The following B4GALT5 variants were observed in gnomAD, a reference collection of about 807,000 sequenced individuals.
The protein encoded by B4GALT5 is UDP-Gal:beta-GlcNAc beta-1,4-galactosyltransferase 5.
In B4GALT5, 11 loss-of-function variants were observed where a neutral mutation model predicts 45.0. The observed-to-expected ratio is 0.24, with a 90% confidence interval of 0.15 to 0.40. The LOEUF (loss-of-function observed/expected upper bound fraction) is 0.40. Among genes scored for constraint, B4GALT5 ranks in the 10% least tolerant of loss-of-function variants. B4GALT5 has a pLI of 1.00. For missense variants in B4GALT5, 337 were observed against 500.2 expected (o/e 0.67, Z 3.11); for synonymous variants, 185 against 182.9 (o/e 1.01, Z -0.09).
chr20:49,633,415 T>C lies in B4GALT5; in HGVS notation c.*2897A>G, dbSNP rs796069031. The C allele has an allele frequency of 8.0e-4, 113 of 140,802 alleles. No individual in the cohort carries two copies. Among genetic ancestry groups the C allele is most frequent in the African/African-American group, 2.9e-3 (111 of 37,646 alleles). The allele number at this position is 140,802 out of a possible 1,614,324, so 8.7% of individuals were successfully genotyped here. ...TTGAAGATTTTCAGCTACCAATATA[T>C]GCACAAGGTCACATTTGGTTCCTGT... On this transcript the variant is annotated 3_prime_UTR_variant, in exon 9 of 9. Coordinates refer to ENST00000371711, the MANE Select transcript of B4GALT5 (RefSeq NM_004776.4).
intron 6 of B4GALT5, 100 bp downstream of exon 6, chr20:49,640,378 G>T: frequency 9.3e-7 from 1 of 1,077,068 alleles, no homozygotes; most frequent in Non-Finnish European, 1.3e-6. Flanking sequence ...CCATCCATCA[G>T]TTGATGGGCA....
intron 1 of B4GALT5, among the ~76,000 whole-genome samples, chr20:49,690,966 G>C (rs1052747561): frequency 1.3e-5 from 2 of 152,154 alleles, no homozygotes; most frequent in Admixed American, 6.5e-5. Context: ...GTGAACTGTA[G>C]TTACCTGGCT....
rs183024859 is a variant in B4GALT5, at chr20:49,689,299, G to A, written c.115+24277C>T. Among the ~76,000 whole-genome samples, 23 of 152,216 alleles carry A rather than the reference G, an allele frequency of 1.5e-4. No individual in the cohort carries two copies. The East Asian group carries it at 2.5e-3, about 17-fold the overall frequency. ...ATAAGAGAGATCCTTAACATACTGAGGATGAAGAACCTGATAATTCTTAGC... is the reference window on the plus strand; with the variant it reads ...ATAAGAGAGATCCTTAACATACTGAAGATGAAGAACCTGATAATTCTTAGC... On this transcript the variant is annotated intron_variant, in intron 1 of 8. Coordinates refer to ENST00000371711, the MANE Select transcript of B4GALT5 (RefSeq NM_004776.4).
intron 1 of B4GALT5, among the ~76,000 whole-genome samples, chr20:49,710,611 G>T (rs1166873426): frequency 6.6e-6 from 1 of 151,782 alleles, no homozygotes; most frequent in Admixed American, 6.6e-5. Flanking sequence ...GTACTGACAG[G>T]GTTTCACCAT....
chr20:49,710,174 C>T (rs1343182203), intron 1 of B4GALT5, among the ~76,000 whole-genome samples: 3 of 152,144 alleles, frequency 2.0e-5, no homozygotes, highest in Non-Finnish European at 4.4e-5. Context: ...AGCCCTTGAG[C>T]ACAATGTAGC....
intron 1 of B4GALT5, among the ~76,000 whole-genome samples, chr20:49,680,894 GTATATTTTACCA>G (rs771993527): frequency 3.9e-5 from 6 of 151,966 alleles, no homozygotes; most frequent in East Asian, 1.9e-4. Context: ...TTTATGTTAT[GTATATTTTACCA>G]TATATTTTAC....
At chr20:49,671,199 C>T (rs1192210226) in intron 1 of B4GALT5, among the ~76,000 whole-genome samples, 2 of 151,980 alleles carry the variant, frequency 1.3e-5, no homozygotes, top group African/African-American at 4.8e-5. Context: ...GTCAACATGG[C>T]GAAACCCCAT....
At chr20:49,639,870 T>C in intron 6 of B4GALT5, 70 bp from the exon 7 acceptor site, 1 of 1,574,450 alleles carries the variant, frequency 6.4e-7, no homozygotes, top group South Asian at 1.1e-5. Context: ...AAGGTTCTCA[T>C]TTGAGGACTA....
intron 2 of B4GALT5, among the ~76,000 whole-genome samples, chr20:49,647,916 G>C (rs775580626): frequency 5.3e-5 from 8 of 151,990 alleles, no homozygotes; most frequent in Non-Finnish European, 1.0e-4. Context: ...AACAGGAGTT[G>C]GATGTGAGAC....
chr20:49,709,656 C>A (rs1483450215), intron 1 of B4GALT5, among the ~76,000 whole-genome samples: 1 of 151,886 alleles, frequency 6.6e-6, no homozygotes, highest in Non-Finnish European at 1.5e-5. Context: ...ATAATCCCAG[C>A]TATTCTGGAG....
intron 1 of B4GALT5, among the ~76,000 whole-genome samples, chr20:49,674,229 CAAA>C (rs1377796417): frequency 3.1e-5 from 2 of 64,180 alleles, no homozygotes; most frequent in Non-Finnish European, 3.2e-5. Context: ...GACTCCATCT[CAAA>C]AAAAAAAAAA....
intron 1 of B4GALT5, among the ~76,000 whole-genome samples, chr20:49,698,897 A>G (rs2085850205): frequency 6.6e-6 from 1 of 152,126 alleles, no homozygotes; most frequent in African/African-American, 2.4e-5. Flanking sequence ...CTTATTTTCC[A>G]CACCAACCAC....
At chr20:49,661,732 A>G (rs544504755) in intron 1 of B4GALT5, among the ~76,000 whole-genome samples, 42 of 152,256 alleles carry the variant, frequency 2.8e-4, no homozygotes, top group Non-Finnish European at 4.7e-4. Flanking sequence ...AAGTATGCAT[A>G]AGGCAACGCT....
At chr20:49,679,293 G>A (rs1426081834) in intron 1 of B4GALT5, among the ~76,000 whole-genome samples, 2 of 152,112 alleles carry the variant, frequency 1.3e-5, no homozygotes, top group Non-Finnish European at 2.9e-5. Context: ...GCAATCACCA[G>A]TCCTAAAATG....
At chr20:49,658,492 T>G (rs2085652317) in intron 1 of B4GALT5, among the ~76,000 whole-genome samples, 1 of 152,166 alleles carries the variant, frequency 6.6e-6, no homozygotes, top group Admixed American at 6.5e-5. Context: ...TTATTGAAAA[T>G]TTTGTGTAAA....
intron 1 of B4GALT5, among the ~76,000 whole-genome samples, chr20:49,710,712 C>CAGGTGT (rs2085905731): frequency 6.6e-6 from 1 of 151,992 alleles, no homozygotes; most frequent in Non-Finnish European, 1.5e-5. Flanking sequence ...GCCACCACAC[C>CAGGTGT]CAGCCAACCT....
chr20:49,683,723 A>C (rs2085773827), intron 1 of B4GALT5, among the ~76,000 whole-genome samples: 1 of 152,056 alleles, frequency 6.6e-6, no homozygotes. Context: ...ACAGGTTTAA[A>C]TTCTAGTCAG....
intron 1 of B4GALT5, among the ~76,000 whole-genome samples, chr20:49,700,575 C>CA (rs2085857485): frequency 6.6e-6 from 1 of 152,218 alleles, no homozygotes; most frequent in African/African-American, 2.4e-5. Context: ...GCTGGGATTA[C>CA]AGGCATGAGC....
rs371958533 is a variant in B4GALT5 at position 49,643,593 on chromosome 20, A to G, written c.422T>C (p.Phe141Ser). ...GAGCTTGATGGTTGGGTCTTTGGAG[A>G]AGAGTTCATGAATGTAATCCATTCC... is the stretch of plus-strand genomic sequence containing the variant. The part of the protein sequence containing the change: ...EIGMDYIHEL[F>S]SKDPTIKLGG... The change falls in exon 4 of 9, where the codon TTC becomes TCC. Residue 141 changes from phenylalanine to serine, a missense_variant. By Grantham distance (155) the Phe-to-Ser change is radical. Transcript: ENST00000371711. 3.7e-6 allele frequency: 6 copies of G among 1,613,964 alleles called. No homozygotes were observed. In the African/African-American group the frequency reaches 8.0e-5, roughly 22 times the overall value.
Sources: gnomAD v4.1 joint callset for allele counts (sites outside exome capture counted in the v4.1 genomes callset) on GRCh38, gnomAD v4.1.1 for gene constraint, MANE v1.5 for transcripts, NCBI Gene and HGNC (gene_info 2026-07-23, HGNC 2026-07-21) for gene names.